CEP95: variants seen among roughly 807,000 people sequenced by gnomAD.
The protein encoded by CEP95 is centrosomal protein 95.
CEP95 carries 98 observed loss-of-function variants against 111.2 expected under a neutral mutation model. That is an observed-to-expected ratio of 0.88 (90% confidence interval 0.75 to 1.04). The LOEUF is 1.04. CEP95 is among the 50% of genes least tolerant of loss of function. The pLI is 0.00. For synonymous variants in CEP95, 323 were observed against 327.1 expected, an observed-to-expected ratio of 0.99 and a Z score of 0.14; for missense variants, 1,027 against 977.2, an observed-to-expected ratio of 1.05 and a Z score of -0.68.
intron 6 of CEP95, 26 bp downstream of exon 6, chr17:64,519,462 G>A (rs1568134420): frequency 6.7e-7 from 1 of 1,500,448 alleles, no homozygotes; most frequent in South Asian, 1.1e-5. Context: ...TGAAGTATCA[G>A]TTATTATTCA....
intron 16 of CEP95, chr17:64,534,362 C>T (rs1555681011): frequency 2.1e-6 from 1 of 472,750 alleles, no homozygotes; most frequent in Non-Finnish European, 3.8e-6. Context: ...CAGGAGTGCC[C>T]AGGATCACTG....
At chr17:64,521,824 GGT>G (rs1967362533) in intron 7 of CEP95, among the ~76,000 whole-genome samples, 1 of 151,414 alleles carries the variant, frequency 6.6e-6, no homozygotes, top group South Asian at 2.1e-4. Context: ...TCATATTATT[GGT>G]AAATAACAAA....
At chr17:64,528,753 G>A (rs188428914) in intron 11 of CEP95, among the ~76,000 whole-genome samples, 2 of 152,268 alleles carry the variant, frequency 1.3e-5, no homozygotes, top group East Asian at 3.9e-4. Context: ...ATAGACAATG[G>A]GATAAAAAGG....
intron 9 of CEP95, 63 bp from the exon 10 acceptor site, chr17:64,526,008 T>C (rs782132932): frequency 1.8e-4 from 275 of 1,561,972 alleles, no homozygotes; most frequent in Non-Finnish European, 2.2e-4. Flanking sequence ...CGTATTACAG[T>C]TATTTTAAAC....
At chr17:64,532,534 G>A in intron 14 of CEP95, 1 of 985,392 alleles carries the variant, frequency 1.0e-6, no homozygotes, top group Non-Finnish European at 1.2e-6. Flanking sequence ...TACCGGGAAG[G>A]TTGAGGAGTC....
intron 2 of CEP95, among the ~76,000 whole-genome samples, 158 bp from the exon 3 acceptor site, chr17:64,510,015 A>T (rs1258663688): frequency 6.6e-6 from 1 of 152,136 alleles, no homozygotes; most frequent in Non-Finnish European, 1.5e-5. Context: ...TGCTGTGTAG[A>T]GTTCAGGGTT....
Position 64,532,831 on chromosome 17 carries a change from C to T in CEP95, c.1673-8C>T, listed in dbSNP as rs1968372204. The T allele has an allele frequency of 1.2e-6, 2 of 1,604,858 alleles. No individual in the cohort carries two copies. Among genetic ancestry groups the T allele is most frequent in the Middle Eastern group, 1.7e-4 (1 of 6,006 alleles). ...CTCAGATTAAGAACATCTTATTTTA[C>T]CTTGCAGTGAAAGTAAGTGAACACA... On this transcript the variant is annotated splice_region_variant and splice_polypyrimidine_tract_variant and intron_variant, in intron 14 of 19. Transcript: ENST00000556440.
chr17:64,519,281 G>T, intron 5 of CEP95, 40 bp from the exon 6 acceptor site: 1 of 1,406,764 alleles, frequency 7.1e-7, no homozygotes, highest in Non-Finnish European at 1.0e-6. Flanking sequence ...AGGGCCCTCT[G>T]GTCAGGCTGG....
chr17:64,524,831 C>T (rs782542173), intron 8 of CEP95, among the ~76,000 whole-genome samples: 4 of 150,648 alleles, frequency 2.7e-5, no homozygotes, highest in African/African-American at 4.9e-5. Flanking sequence ...ATTAGCCAGG[C>T]GCGGTGGCAG....
rs782017783 is a variant in CEP95 at position 64,508,701 on chromosome 17, T to A, written c.129T>A (p.Ile43=). 2.8e-6 allele frequency: 4 copies of A among 1,413,862 alleles called. No homozygotes were observed. The highest frequency in any genetic ancestry group is 3.7e-6 in the Non-Finnish European group (4 of 1,073,434). 87.6% of individuals were successfully genotyped at this position (1,413,862 alleles called of 1,614,324 possible). The change falls in exon 2 of 20, where the codon ATT becomes ATA. Residue 43 remains isoleucine, a synonymous_variant. Transcript: ENST00000556440. The part of the protein sequence containing the change: ...ANVFIALYQS[I]LGEKVPDLIV... ...TTTTTATTGCTCTTTATCAGTCTAT[T>A]TTGGGAGAAAAGGTACCAGGTAAGA...
intron 11 of CEP95, 120 bp downstream of exon 11, chr17:64,527,384 A>C: frequency 1.4e-6 from 1 of 716,734 alleles, no homozygotes. Flanking sequence ...AAAAGGATCA[A>C]AAGTAATATC....
At position 64,532,875 on chromosome 17, in the gene CEP95, T is replaced by C. The variant is rs1555680609; in HGVS notation, c.1709T>C (p.Leu570Pro). ...GAACACAGTCTCCTGCCCCTTATGC[T>C]GGAGCAGTTTCCGTTTCTTTATGTT... ...VSEHSLLPLMLEQFPFLYVSG... is the reference protein window; with the variant it reads ...VSEHSLLPLMPEQFPFLYVSG... The change falls in exon 15 of 20, where the codon CTG becomes CCG. Residue 570 changes from leucine to proline, a missense_variant. Transcript: ENST00000556440. 8.7e-6 allele frequency: 14 copies of C among 1,613,752 alleles called. No individual in the cohort carries two copies. The highest frequency in any genetic ancestry group is 1.2e-5 in the Non-Finnish European group (14 of 1,179,808).
chr17:64,513,887 A>G (rs2039011712), intron 3 of CEP95, among the ~76,000 whole-genome samples: 1 of 152,184 alleles, frequency 6.6e-6, no homozygotes, highest in South Asian at 2.1e-4. Context: ...CAATCTGGTA[A>G]AGTTCTGTTT....
chr17:64,529,520 T>C, intron 12 of CEP95, 93 bp downstream of exon 12: 1 of 1,283,884 alleles, frequency 7.8e-7, no homozygotes, highest in Non-Finnish European at 1.1e-6. Context: ...GATTTAGGCT[T>C]AAAATACATT....
Position 64,522,988 on chromosome 17 carries a change from G to GT in CEP95, c.909+94dup, listed in dbSNP as rs1967481779. The GT allele has an allele frequency of 5.4e-6, 5 of 926,270 alleles. No individual in the cohort carries two copies. In the Admixed American group the frequency reaches 1.0e-4, roughly 19 times the overall value. The allele number at this position is 926,270 out of a possible 1,614,324, so 57.4% of individuals were successfully genotyped here. A position where few individuals can be genotyped will look rare whatever the true frequency, so the allele number is the denominator to read the frequency against. On this transcript the variant is annotated intron_variant, in intron 8 of 19. Transcript: ENST00000556440. The stretch of plus-strand genomic sequence containing the variant: ...TAATTGATTAGAAGGCCGTGTGTGT[G>GT]TATGTGTATTGGTGAAGTCTTTATT...
At chr17:64,509,143 G>A (rs782405508) in intron 2 of CEP95, among the ~76,000 whole-genome samples, 6 of 152,142 alleles carry the variant, frequency 3.9e-5, no homozygotes, top group Non-Finnish European at 8.8e-5. Context: ...ACCAGTGCTA[G>A]GGATAAGAAT....
Position 64,536,704 on chromosome 17 carries a change from C to T in CEP95, c.2173C>T (p.His725Tyr). The change falls in exon 18 of 20, where the codon CAC becomes TAC. Residue 725 changes from histidine to tyrosine, a missense_variant. By Grantham distance (83) the His-to-Tyr change is moderately conservative. Transcript: ENST00000556440. Reference sequence around the variant, plus strand: ...AAAGCGAGATGAACAAAGGAGACGCCACCAGGATGAACTGGACTCCATGGA... The same window carrying T: ...AAAGCGAGATGAACAAAGGAGACGCTACCAGGATGAACTGGACTCCATGGA... Reference protein sequence around the residue: ...KEKRDEQRRRHQDELDSMENY... With the variant: ...KEKRDEQRRRYQDELDSMENY... 6.2e-7 allele frequency: 1 copy of T among 1,612,752 alleles called. No individual in the cohort carries two copies. Among genetic ancestry groups the T allele is most frequent in the Non-Finnish European group, 8.5e-7 (1 of 1,179,516 alleles).
chr17:64,514,093 TC>T (rs1176238220), intron 3 of CEP95, 154 bp from the exon 4 acceptor site: 1 of 431,052 alleles, frequency 2.3e-6, no homozygotes, highest in East Asian at 3.3e-5. Flanking sequence ...TCACCTGTAT[TC>T]TTTTTTTTAT....
chr17:64,535,002 A>G (rs1968553912), intron 17 of CEP95: 2 of 424,022 alleles, frequency 4.7e-6, no homozygotes, highest in Non-Finnish European at 8.9e-6. Context: ...GTACTTCTCC[A>G]GTAAAACTAC....
Sources: gnomAD v4.1 joint callset for allele counts (sites outside exome capture counted in the v4.1 genomes callset) on GRCh38, gnomAD v4.1.1 for gene constraint, MANE v1.5 for transcripts, NCBI Gene and HGNC (gene_info 2026-07-23, HGNC 2026-07-21) for gene names.